The following SRCAP variants were observed in gnomAD, a reference collection of about 807,000 sequenced individuals.
The protein encoded by SRCAP is chromatin remodeling protein SRCAP.
In SRCAP, 46 loss-of-function variants were observed where a neutral mutation model predicts 263.1. The observed-to-expected ratio is 0.17, with a 90% CI of 0.14 to 0.22. SRCAP has a LOEUF of 0.22. SRCAP is among the 10% of genes least tolerant of loss of function. The pLI is 1.00. For missense variants in SRCAP, 3,695 were observed against 4,181.9 expected, an observed-to-expected ratio of 0.88 and a Z score of 3.21; for synonymous variants, 1,813 against 1,662.1, an observed-to-expected ratio of 1.09 and a Z score of -2.21.
At chr16:30,721,044 A>G in intron 20 of SRCAP, 66 bp downstream of exon 20, 1 of 1,548,462 alleles carries the variant, frequency 6.5e-7, no homozygotes. Context: ...CTGAGGAGGA[A>G]GTAGTGAAAT....
Position 30,736,238 on chromosome 16 carries a change from A to C in SRCAP, c.6768A>C (p.Ala2256=). 6.2e-7 allele frequency: 1 copy of C among 1,614,168 alleles called. No individual in the cohort carries two copies. ...CRAEDEEDIR[A]ATQAKAEQVA... The stretch of plus-strand genomic sequence containing the variant: ...CAGAAGATGAAGAGGATATCCGTGC[A>C]GCCACCCAGGCCAAGGCTGAACAGG... The change falls in exon 32 of 34, where the codon GCA becomes GCC. Residue 2256 remains alanine (A), a synonymous_variant. Coordinates refer to ENST00000262518, the MANE Select transcript of SRCAP (RefSeq NM_006662.3).
At chr16:30,721,597 T>C in intron 21 of SRCAP, 121 bp downstream of exon 21, 3 of 1,343,030 alleles carry the variant, frequency 2.2e-6, no homozygotes, top group African/African-American at 1.5e-5. Context: ...ATCCCGGTGC[T>C]TTGGGAGGCC....
In SRCAP at chr16:30,737,912, A is replaced by T; in HGVS notation, c.7872A>T (p.Ala2624=). ...TCCCCAATGGTCAAGAGCAGGAGGCACCAGATTCTGCTGAGGGGACCACCC... is the reference window on the plus strand; with the variant it reads ...TCCCCAATGGTCAAGAGCAGGAGGCTCCAGATTCTGCTGAGGGGACCACCC... ...GSIPNGQEQE[A]PDSAEGTTLT... Residue 2624 remains alanine (A), a synonymous_variant, in exon 34 of 34, where the codon GCA becomes GCT. Transcript: ENST00000262518. 1 of 1,614,160 alleles carries T rather than the reference A, an allele frequency of 6.2e-7. No individual in the cohort carries two copies. The highest frequency in any genetic ancestry group is 8.5e-7 in the Non-Finnish European group (1 of 1,180,032).
rs144295177 is a variant in SRCAP at position 30,737,394 on chromosome 16, G to A, written c.7354G>A (p.Ala2452Thr). 1.8e-5 allele frequency: 29 copies of A among 1,611,354 alleles called. No individual in the cohort carries two copies. In the African/African-American group the frequency reaches 3.9e-4, roughly 22 times the overall value. The change falls in exon 34 of 34, where the codon GCT (alanine) becomes ACT (threonine). Residue 2452 changes from alanine (A) to threonine (T), a missense_variant. Transcript: ENST00000262518. ...RPRPTPASAP[A>T]AIPALVPVPV... The stretch of plus-strand genomic sequence containing the variant: ...TCGACCCACTCCAGCTTCAGCTCCG[G>A]CTGCAATTCCTGCCCTTGTTCCTGT...
rs775934387 is a variant in SRCAP, at chr16:30,724,036, A to C, written c.4612A>C (p.Asn1538His). Reference sequence around the variant, plus strand: ...CACCTCTTCACATGTTCCAGGGTTGAACTCAACCGTGGCCCCAGCATGCTC... The same window carrying C: ...CACCTCTTCACATGTTCCAGGGTTGCACTCAACCGTGGCCCCAGCATGCTC... ...APTSSHVPGLNSTVAPACSPV... is the reference protein window; with the variant it reads ...APTSSHVPGLHSTVAPACSPV... The change falls in exon 25 of 34, where the codon AAC (asparagine) becomes CAC (histidine). Residue 1538 changes from asparagine to histidine, a missense_variant. Physicochemically the swap from Asn to His is moderately conservative, Grantham distance 68. Transcript: ENST00000262518. The C allele has an allele frequency of 6.2e-7, 1 of 1,613,834 alleles. No individual in the cohort carries two copies. The highest frequency in any genetic ancestry group is 8.5e-7 in the Non-Finnish European group (1 of 1,179,980).
At chr16:30,727,372 C>T (rs2053073752) in intron 25 of SRCAP, among the ~76,000 whole-genome samples, 1 of 152,168 alleles carries the variant, frequency 6.6e-6, no homozygotes, top group Non-Finnish European at 1.5e-5. Context: ...GATTACAGAT[C>T]CTTTTTCAGA....
chr16:30,739,212 G>C lies in SRCAP; in HGVS notation c.9172G>C (p.Asp3058His), dbSNP rs1356837440. Residue 3058 changes from aspartate (D) to histidine (H), a missense_variant, in exon 34 of 34, where the codon GAT becomes CAT. Coordinates refer to ENST00000262518, the MANE Select transcript of SRCAP (RefSeq NM_006662.3). ...GESEGSSSDEDGSRPLTRLAR... is the reference protein window; with the variant it reads ...GESEGSSSDEHGSRPLTRLAR... ...GAGTGAGGGTAGTTCCTCTGATGAGGATGGAAGCCGCCCCCTCACCCGCCT... is the reference window on the plus strand; with the variant it reads ...GAGTGAGGGTAGTTCCTCTGATGAGCATGGAAGCCGCCCCCTCACCCGCCT... The C allele has an allele frequency of 6.2e-7, 1 of 1,613,600 alleles. No individual in the cohort carries two copies. The highest frequency in any genetic ancestry group is 1.7e-5 in the Admixed American group (1 of 60,030).
At position 30,724,218 on chromosome 16, in the gene SRCAP, G is replaced by A; in HGVS notation, c.4794G>A (p.Leu1598=). ...TGGCGGCTCCACAGACAGCAATTCTGGCTCCTTCTCCAGCTCCTCCTCTGG... is the reference window on the plus strand; with the variant it reads ...TGGCGGCTCCACAGACAGCAATTCTAGCTCCTTCTCCAGCTCCTCCTCTGG... ...APMAAPQTAI[L]APSPAPPLAP... The change falls in exon 25 of 34, where the codon CTG becomes CTA. Residue 1598 remains leucine, a synonymous_variant. Coordinates refer to ENST00000262518, the MANE Select transcript of SRCAP (RefSeq NM_006662.3). The A allele has an allele frequency of 6.2e-7, 1 of 1,613,876 alleles. No individual in the cohort carries two copies. Among genetic ancestry groups the A allele is most frequent in the Non-Finnish European group, 8.5e-7 (1 of 1,179,958 alleles).
chr16:30,716,428 C>T lies in SRCAP; in HGVS notation c.2766C>T (p.Cys922=). 2 of 1,614,222 alleles carry T rather than the reference C, an allele frequency of 1.2e-6. No individual in the cohort carries two copies. The highest frequency in any genetic ancestry group is 8.5e-7 in the Non-Finnish European group (1 of 1,180,050). The part of the protein sequence containing the change: ...VTSPFITPGI[C]FSTASLVLRA... ...CCCCTTTCATCACCCCAGGCATCTG[C>T]TTCAGCACCGCCTCTCTGGTGCTAA... The change falls in exon 18 of 34, where the codon TGC becomes TGT. Residue 922 remains cysteine, a synonymous_variant. Transcript: ENST00000262518.
chr16:30,724,052 C>G lies in SRCAP; in HGVS notation c.4628C>G (p.Pro1543Arg), dbSNP rs1567248083. 3 of 1,613,818 alleles carry G rather than the reference C, an allele frequency of 1.9e-6. No homozygotes were observed. The highest frequency in any genetic ancestry group is 2.5e-6 in the Non-Finnish European group (3 of 1,180,024). Residue 1543 changes from proline (P) to arginine (R), a missense_variant, in exon 25 of 34, where the codon CCA becomes CGA. Transcript: ENST00000262518. ...HVPGLNSTVA[P>R]ACSPVLVPAS... The stretch of plus-strand genomic sequence containing the variant: ...CCAGGGTTGAACTCAACCGTGGCCC[C>G]AGCATGCTCACCTGTCCTGGTGCCA...
chr16:30,699,359 A>G, intron 1 of SRCAP, 117 bp downstream of exon 1: 2 of 394,974 alleles, frequency 5.1e-6, no homozygotes, highest in Non-Finnish European at 8.9e-6. Context: ...GCGGGTTCAC[A>G]CTGCCTGTTT....
chr16:30,716,278 T>C lies in SRCAP; in HGVS notation c.2631-15T>C. 1 of 1,613,512 alleles carries C rather than the reference T, an allele frequency of 6.2e-7. No homozygotes were observed. Among genetic ancestry groups the C allele is most frequent in the South Asian group, 1.1e-5 (1 of 91,074 alleles). ...GGCTGTTAGGACGTCTCATTTATTT[T>C]TCCTCTTTCCCCAGAACTAAGGAGA... is the stretch of plus-strand genomic sequence containing the variant. On this transcript the variant is annotated splice_polypyrimidine_tract_variant and intron_variant, in intron 17 of 33. Transcript: ENST00000262518.
chr16:30,715,597 C>T (rs1352224710), intron 16 of SRCAP, among the ~76,000 whole-genome samples: 2 of 151,342 alleles, frequency 1.3e-5, no homozygotes, highest in Non-Finnish European at 2.9e-5. Flanking sequence ...AGGAAGTCTT[C>T]CTTAACTATT....
At chr16:30,735,818 A>G (rs1023807391) in intron 31 of SRCAP, among the ~76,000 whole-genome samples, 9 of 151,514 alleles carry the variant, frequency 5.9e-5, no homozygotes, top group African/African-American at 2.2e-4. Flanking sequence ...TGACCTCATG[A>G]TCTGCCCGCC....
chr16:30,702,926 T>C (rs2052784868), intron 3 of SRCAP, among the ~76,000 whole-genome samples: 1 of 151,646 alleles, frequency 6.6e-6, no homozygotes, highest in Non-Finnish European at 1.5e-5. Flanking sequence ...AAGTGACGTG[T>C]TGGGTGTTTG....
chr16:30,723,343 A>G (rs940911463), intron 24 of SRCAP, 114 bp downstream of exon 24: 4 of 1,461,166 alleles, frequency 2.7e-6, no homozygotes, highest in Non-Finnish European at 3.6e-6. Context: ...TACTGCCTTG[A>G]TTTGTAGTGG....
chr16:30,723,354 G>C, intron 24 of SRCAP, 125 bp downstream of exon 24: 1 of 1,444,206 alleles, frequency 6.9e-7, no homozygotes, highest in Admixed American at 2.6e-5. Context: ...TTTGTAGTGG[G>C]CCCCAGAACT....
chr16:30,737,536 G>A lies in SRCAP; in HGVS notation c.7496G>A (p.Cys2499Tyr). Residue 2499 changes from cysteine (C) to tyrosine (Y), a missense_variant, in exon 34 of 34, where the codon TGC becomes TAC. Around this residue, in one of 12 missense-constraint regions of SRCAP, gnomAD observed 1,207 missense variants for 1,142.9 expected, o/e 1.06. Transcript: ENST00000262518. ...ATTCCTCCTTGTTCTTCTCCTGCCT[G>A]CACCCCTCCTCCTGCCTGTACCCCT... ...SQIPPCSSPA[C>Y]TPPPACTPPP... 1 of 1,608,434 alleles carries A rather than the reference G, an allele frequency of 6.2e-7. No homozygotes were observed. Among genetic ancestry groups the A allele is most frequent in the Non-Finnish European group, 8.5e-7 (1 of 1,175,168 alleles).
chr16:30,702,041 C>T (rs1388168672), intron 3 of SRCAP, among the ~76,000 whole-genome samples: 1 of 151,982 alleles, frequency 6.6e-6, no homozygotes, highest in East Asian at 1.9e-4. Flanking sequence ...GCAACCTCCG[C>T]CTCCCGGGTT....
Sources: allele counts gnomAD v4.1 joint callset (sites outside exome capture counted in the v4.1 genomes callset), GRCh38; gene constraint gnomAD v4.1.1; regional missense constraint gnomAD v4.1.1; transcripts MANE v1.5; gene names NCBI Gene and HGNC (gene_info 2026-07-23, HGNC 2026-07-21).